Variants in CSK observed in about 807,000 individuals in gnomAD.
The protein encoded by CSK is C-terminal Src kinase.
A neutral mutation model predicts 62.3 loss-of-function variants in CSK; 7 were observed. That is an observed-to-expected ratio of 0.11 (90% CI 0.06 to 0.21). The LOEUF (loss-of-function observed/expected upper bound fraction) is 0.21. Among genes scored for constraint, CSK ranks in the 10% least tolerant of loss-of-function variants. The probability of loss-of-function intolerance (pLI) is 1.00; values close to 1 mark genes in which losing one functional copy is unlikely to be tolerated. For synonymous variants in CSK, 237 were observed against 246.0 expected, an observed-to-expected ratio of 0.96 and a Z score of 0.34; for missense variants, 294 against 613.5, an observed-to-expected ratio of 0.48 and a Z score of 5.50.
At chr15:74,786,013 T>TTTTTTGTGTGTGTTGTGTGTG in intron 1 of CSK, among the ~76,000 whole-genome samples, 1 of 47,816 alleles carries the variant, frequency 2.1e-5, no homozygotes, top group African/African-American at 6.7e-5. Flanking sequence ...TTTTTTTTTT[T>TTTTTTGTGTGTGTTGTGTGTG]TGTGTGTGTG....
chr15:74,786,013 T>TTTTTTTTGTGTGTG, intron 1 of CSK, among the ~76,000 whole-genome samples: 5 of 47,814 alleles, frequency 1.0e-4, no homozygotes, highest in African/African-American at 2.7e-4. Context: ...TTTTTTTTTT[T>TTTTTTTTGTGTGTG]TGTGTGTGTG....
At chr15:74,793,842 C>T (rs1286760819) in intron 1 of CSK, among the ~76,000 whole-genome samples, 1 of 151,942 alleles carries the variant, frequency 6.6e-6, no homozygotes, top group African/African-American at 2.4e-5. Context: ...GCCTCCGCGC[C>T]CCCCTGTGGT....
At chr15:74,800,378 T>C (rs1431524856) in intron 5 of CSK, 34 bp from the exon 6 acceptor site, 2 of 1,597,362 alleles carry the variant, frequency 1.3e-6, no homozygotes, top group African/African-American at 1.3e-5. Flanking sequence ...CACCTTGGGC[T>C]GTCTCTGAGC....
In CSK at chr15:74,802,632, T is replaced by C; in HGVS notation, c.*119T>C. 7.7e-7 allele frequency: 1 copy of C among 1,296,128 alleles called. No homozygotes were observed. The allele number at this position is 1,296,128 out of a possible 1,614,324, so 80.3% of individuals were successfully genotyped here. A position where few individuals can be genotyped will look rare whatever the true frequency, so the allele number is the denominator to read the frequency against. Reference sequence around the variant, plus strand: ...GAGCCCCAGCGGGCTGGCGGGCCTTTTTCCTGCGTCCCAGCCTGCACCCCT... The same window carrying C: ...GAGCCCCAGCGGGCTGGCGGGCCTTCTTCCTGCGTCCCAGCCTGCACCCCT... On this transcript the variant is annotated 3_prime_UTR_variant, in exon 13 of 13. Coordinates refer to ENST00000220003, the MANE Select transcript of CSK (RefSeq NM_004383.3).
At chr15:74,794,475 C>T (rs1026754077) in intron 1 of CSK, among the ~76,000 whole-genome samples, 10 of 152,148 alleles carry the variant, frequency 6.6e-5, no homozygotes, top group African/African-American at 1.4e-4. Flanking sequence ...GTTTCAGGCT[C>T]ATCCTCCTTG....
Position 74,798,121 on chromosome 15 carries a change from TC to T in CSK, c.-65-109del. On this transcript the variant is annotated intron_variant, in intron 1 of 12. Transcript: ENST00000220003. This position sits in a 1 kb window ranked among gnomAD's most constrained non-coding sequence, Gnocchi z 6.6. ...TGGAGAGAATGGCCCATGTGTCAAA[TC>T]CCAGCGCAGGACACTCTTGGCACCT... is the stretch of plus-strand genomic sequence containing the variant. 1.6e-6 allele frequency: 1 copy of T among 635,850 alleles called. No homozygotes were observed. The highest frequency in any genetic ancestry group is 2.7e-6 in the Non-Finnish European group (1 of 371,878). 39.4% of individuals were successfully genotyped at this position (635,850 alleles called of 1,614,324 possible).
At chr15:74,783,314 G>A (rs76411014) in intron 1 of CSK, among the ~76,000 whole-genome samples, 17 of 152,234 alleles carry the variant, frequency 1.1e-4, no homozygotes, top group African/African-American at 3.4e-4. Context: ...GGGAGGTAAC[G>A]GAGCATTAGC....
At chr15:74,786,139 C>T (rs2063520103) in intron 1 of CSK, among the ~76,000 whole-genome samples, 1 of 151,654 alleles carries the variant, frequency 6.6e-6, no homozygotes, top group Admixed American at 6.6e-5. Context: ...ATTCTCCTGC[C>T]TCAGCCTTCC....
intron 1 of CSK, among the ~76,000 whole-genome samples, chr15:74,794,522 GC>G (rs1336274033): frequency 6.6e-6 from 1 of 152,168 alleles, no homozygotes; most frequent in African/African-American, 2.4e-5. Flanking sequence ...AGGATTGATG[GC>G]CTGGCCTCTG....
At position 74,798,734 on chromosome 15, in the gene CSK, CA is replaced by C. The variant is rs770872216; in HGVS notation, c.129+7del. 12 of 1,611,976 alleles carry C rather than the reference CA, an allele frequency of 7.4e-6. No homozygotes were observed. Among genetic ancestry groups the C allele is most frequent in the Non-Finnish European group, 1.0e-5 (12 of 1,178,640 alleles). ...CCATTGTGGCCGTCACCAAGGTAAT[CA>C]GGTGACGCCCACCCCACCATCCCAC... On this transcript the variant is annotated splice_region_variant and intron_variant, in intron 3 of 12. Coordinates refer to ENST00000220003, the MANE Select transcript of CSK (RefSeq NM_004383.3). The surrounding 1 kb of genome is among the most constrained non-coding windows in gnomAD (Gnocchi z 6.6).
rs1348108531 is a variant in CSK, at chr15:74,798,551, G to A, written c.16-64G>A. The A allele has an allele frequency of 7.5e-6, 11 of 1,463,770 alleles. No homozygotes were observed. Among genetic ancestry groups the A allele is most frequent in the Middle Eastern group, 1.7e-4 (1 of 5,808 alleles). 90.7% of individuals were successfully genotyped at this position (1,463,770 alleles called of 1,614,324 possible). A position where few individuals can be genotyped will look rare whatever the true frequency, so the allele number is the denominator to read the frequency against. On this transcript the variant is annotated intron_variant, in intron 2 of 12. Coordinates refer to ENST00000220003, the MANE Select transcript of CSK (RefSeq NM_004383.3). This position sits in a 1 kb window ranked among gnomAD's most constrained non-coding sequence, Gnocchi z 6.6. ...CAGCTCAGAGGCTGTGACCACGAGGGTGCGCCAGCAGGTGGCTGGAGGGGG... is the reference window on the plus strand; with the variant it reads ...CAGCTCAGAGGCTGTGACCACGAGGATGCGCCAGCAGGTGGCTGGAGGGGG...
chr15:74,801,157 A>G (rs907116754), intron 9 of CSK, 55 bp downstream of exon 9: 64 of 1,595,022 alleles, frequency 4.0e-5, no homozygotes, highest in Middle Eastern at 1.7e-4. Context: ...CGAAACCCCC[A>G]CTGTGCTCTA....
chr15:74,786,847 T>A (rs995398719), intron 1 of CSK, among the ~76,000 whole-genome samples: 8 of 152,180 alleles, frequency 5.3e-5, no homozygotes, highest in African/African-American at 1.9e-4. Flanking sequence ...AGGTGGCCCA[T>A]TCAGTGCAGA....
chr15:74,798,188 G>C lies in CSK; in HGVS notation c.-65-45G>C. 8.1e-7 allele frequency: 1 copy of C among 1,230,574 alleles called. No homozygotes were observed. Among genetic ancestry groups the C allele is most frequent in the Non-Finnish European group, 1.1e-6 (1 of 891,418 alleles). 76.2% of individuals were successfully genotyped at this position (1,230,574 alleles called of 1,614,324 possible). A position where few individuals can be genotyped will look rare whatever the true frequency, so the allele number is the denominator to read the frequency against. ...GGAGCCAGATCTCAGCAGTTGGGGG[G>C]CATTTCTTCACACCCCTCCTCAGTC... On this transcript the variant is annotated intron_variant, in intron 1 of 12. Coordinates refer to ENST00000220003, the MANE Select transcript of CSK (RefSeq NM_004383.3). This position sits in a 1 kb window ranked among gnomAD's most constrained non-coding sequence, Gnocchi z 6.6.
chr15:74,802,305 T>C, intron 12 of CSK, 26 bp from the exon 13 acceptor site: 2 of 1,559,380 alleles, frequency 1.3e-6, no homozygotes, highest in Non-Finnish European at 1.7e-6. Flanking sequence ...GGGCCTGGAC[T>C]GACTCCTGCC....
chr15:74,795,592 G>A (rs1052855606), intron 1 of CSK, among the ~76,000 whole-genome samples: 2 of 152,194 alleles, frequency 1.3e-5, no homozygotes, highest in Non-Finnish European at 2.9e-5. Context: ...GGTCCAAGGG[G>A]GCTCTGGGCT....
rs138733621 is a variant in CSK, at chr15:74,791,702, T to C, written c.-65-6531T>C. On this transcript the variant is annotated intron_variant, in intron 1 of 12. Transcript: ENST00000220003. Reference sequence around the variant, plus strand: ...ACATTCTCCAGCCCTTTTTTTGTTTTGCTCTTTTATGACATTGACATGAAG... The same window carrying C: ...ACATTCTCCAGCCCTTTTTTTGTTTCGCTCTTTTATGACATTGACATGAAG... 4.7e-3 allele frequency among the ~76,000 whole-genome samples: 714 copies of C among 152,370 alleles called. 4 individuals are homozygous for C. The highest frequency in any genetic ancestry group is 6.2e-3 in the Non-Finnish European group (425 of 68,040).
At position 74,797,210 on chromosome 15, in the gene CSK, G is replaced by T. The variant is rs529630689; in HGVS notation, c.-65-1023G>T. ...TCTGTCTGCCTCAGCTTCCCAAAGTGCTGAGATTACAGGTGTGAGCCACTG... is the reference window on the plus strand; with the variant it reads ...TCTGTCTGCCTCAGCTTCCCAAAGTTCTGAGATTACAGGTGTGAGCCACTG... On this transcript the variant is annotated intron_variant, in intron 1 of 12. Transcript: ENST00000220003. 1.9e-4 allele frequency among the ~76,000 whole-genome samples: 29 copies of T among 152,292 alleles called. No homozygotes were observed. The East Asian group carries it at 5.2e-3, about 27-fold the overall frequency.
intron 5 of CSK, among the ~76,000 whole-genome samples, chr15:74,799,778 T>G (rs548953642): frequency 6.6e-6 from 1 of 152,270 alleles, no homozygotes; most frequent in African/African-American, 2.4e-5. Flanking sequence ...CCCACAGATA[T>G]AATTTGGTGC....
Sources: gnomAD v4.1 joint callset for allele counts (sites outside exome capture counted in the v4.1 genomes callset) on GRCh38, gnomAD v4.1.1 for gene constraint, Gnocchi (gnomAD v3.1) non-coding constraint, MANE v1.5 for transcripts, NCBI Gene and HGNC (gene_info 2026-07-23, HGNC 2026-07-21) for gene names.